WWTR1: variants seen among roughly 807,000 people sequenced by gnomAD.
WWTR1 encodes the protein WW domain-containing transcription regulator protein 1.
In WWTR1, 13 loss-of-function variants were observed where a neutral mutation model predicts 40.1. The observed-to-expected ratio is 0.32, with a 90% CI of 0.21 to 0.52. The LOEUF (loss-of-function observed/expected upper bound fraction) is 0.52. WWTR1 is among the 20% of genes least tolerant of loss of function. The pLI is 0.97. For synonymous variants in WWTR1, 230 were observed against 210.1 expected, an observed-to-expected ratio of 1.09 and a Z score of -0.82; for missense variants, 436 against 523.1, an observed-to-expected ratio of 0.83 and a Z score of 1.63.
chr3:149,682,695 G>T (rs547458715), intron 1 of WWTR1, among the ~76,000 whole-genome samples: 6 of 152,118 alleles, frequency 3.9e-5, no homozygotes, highest in Non-Finnish European at 4.4e-5. Context: ...CACTACCAAG[G>T]TTTCAAAAAG....
chr3:149,568,929 G>T (rs1344180008), intron 3 of WWTR1, among the ~76,000 whole-genome samples: 2 of 152,172 alleles, frequency 1.3e-5, no homozygotes, highest in Non-Finnish European at 2.9e-5. Context: ...ACCACACCCA[G>T]CTAATTTTTT....
At chr3:149,654,634 G>A (rs747491583) in intron 2 of WWTR1, among the ~76,000 whole-genome samples, 1 of 151,356 alleles carries the variant, frequency 6.6e-6, no homozygotes, top group African/African-American at 2.5e-5. Context: ...AGGCAGTTCT[G>A]AGCTACTCCA....
chr3:149,525,847 C>T lies in WWTR1; in HGVS notation c.1018+166G>A, dbSNP rs148259603. ...GTGACGAGAGCAATCGTATCCCAAA[C>T]CCCGGCATCACATAACCATGTAGCA... On this transcript the variant is annotated intron_variant, in intron 6 of 6. Coordinates refer to ENST00000360632, the MANE Select transcript of WWTR1 (RefSeq NM_015472.6). 2.1e-3 allele frequency: 899 copies of T among 420,244 alleles called. 5 individuals are homozygous for T. The highest frequency in any genetic ancestry group is 2.6e-3 in the Non-Finnish European group (632 of 244,294). 26.0% of individuals were successfully genotyped at this position (420,244 alleles called of 1,614,324 possible).
intron 2 of WWTR1, among the ~76,000 whole-genome samples, chr3:149,646,991 A>G (rs1712569987): frequency 6.6e-6 from 1 of 152,180 alleles, no homozygotes. Flanking sequence ...TAAAAAAAAC[A>G]GAGGTTTATG....
In WWTR1 at chr3:149,520,847, C is replaced by CATTTTGT; in HGVS notation, c.1160_1161insACAAAAT (p.Ser388GlnfsTer9). The CATTTTGT allele has an allele frequency of 6.2e-7, 1 of 1,612,728 alleles. No individual in the cohort carries two copies. The highest frequency in any genetic ancestry group is 8.5e-7 in the Non-Finnish European group (1 of 1,179,512). On this transcript the variant is annotated frameshift_variant, in exon 7 of 7. Transcript: ENST00000360632. LOFTEE classifies it high-confidence loss of function. ...AGGGCTCACTTTTGTTCAGAGCAGA[C>CATTTTGT]TCTACATCATTGAAGAGGGGGATCA...
chr3:149,587,500 C>T (rs751168626), intron 2 of WWTR1, among the ~76,000 whole-genome samples: 16 of 152,144 alleles, frequency 1.1e-4, no homozygotes, highest in Non-Finnish European at 1.3e-4. Context: ...GGTCACACCA[C>T]GGTGTAATAC....
At chr3:149,708,102 C>T (rs556521958), upstream of WWTR1, among the ~76,000 whole-genome samples, 25 of 152,266 alleles carry the variant, frequency 1.6e-4, 1 homozygote, top group South Asian at 5.2e-3. Context: ...GACATTTCTA[C>T]TTGGTGCACT....
chr3:149,639,891 G>A (rs1712051745), intron 2 of WWTR1, among the ~76,000 whole-genome samples: 1 of 151,902 alleles, frequency 6.6e-6, no homozygotes, highest in Non-Finnish European at 1.5e-5. Flanking sequence ...CTACTTGGGA[G>A]GCTGAGGCAA....
chr3:149,608,198 A>G (rs1340001691), intron 2 of WWTR1, among the ~76,000 whole-genome samples: 1 of 152,130 alleles, frequency 6.6e-6, no homozygotes, highest in African/African-American at 2.4e-5. Context: ...TATTGTTTTT[A>G]TAACTTCAAG....
At chr3:149,689,307 G>GGAGGTGGA (rs1358931665) in intron 1 of WWTR1, among the ~76,000 whole-genome samples, 2 of 147,962 alleles carry the variant, frequency 1.4e-5, no homozygotes, top group African/African-American at 5.0e-5. Context: ...CTTGAGCCCA[G>GGAGGTGGA]GAGGTGGAGG....
intron 1 of WWTR1, among the ~76,000 whole-genome samples, chr3:149,691,150 A>G (rs1282810651): frequency 6.6e-6 from 1 of 152,006 alleles, no homozygotes; most frequent in African/African-American, 2.4e-5. Flanking sequence ...ACCAAAACCT[A>G]TGGGATACAG....
At chr3:149,678,939 C>A (rs1300145643) in intron 1 of WWTR1, among the ~76,000 whole-genome samples, 1 of 151,056 alleles carries the variant, frequency 6.6e-6, no homozygotes, top group Non-Finnish European at 1.5e-5. Context: ...AAATGATTTT[C>A]CTGCCTCTGC....
intron 2 of WWTR1, among the ~76,000 whole-genome samples, chr3:149,650,965 G>A (rs1250741779): frequency 6.6e-6 from 1 of 152,122 alleles, no homozygotes; most frequent in Non-Finnish European, 1.5e-5. Context: ...ATTTTGGCTG[G>A]GTAAATAGGC....
At chr3:149,698,710 C>G (rs2108220904) in intron 1 of WWTR1, among the ~76,000 whole-genome samples, 1 of 152,372 alleles carries the variant, frequency 6.6e-6, no homozygotes, top group East Asian at 1.9e-4. Flanking sequence ...ATCAAGCCTT[C>G]TTCACACTTG....
At chr3:149,567,032 G>A (rs1382230698) in intron 3 of WWTR1, among the ~76,000 whole-genome samples, 2 of 151,916 alleles carry the variant, frequency 1.3e-5, no homozygotes, top group Non-Finnish European at 1.5e-5. Flanking sequence ...GCTAGGGTTC[G>A]CAGGCTGGTG....
intron 2 of WWTR1, among the ~76,000 whole-genome samples, chr3:149,608,237 TA>T (rs61066466): frequency 1.3e-5 from 2 of 152,166 alleles, no homozygotes; most frequent in African/African-American, 4.8e-5. Flanking sequence ...AAAAAAAATT[TA>T]TTTAGAATAC....
intron 2 of WWTR1, among the ~76,000 whole-genome samples, chr3:149,642,742 T>C (rs1712255582): frequency 6.8e-6 from 1 of 146,588 alleles, no homozygotes; most frequent in Non-Finnish European, 1.5e-5. Context: ...GCCACTGCAC[T>C]CCAGCCTGGG....
intron 4 of WWTR1, among the ~76,000 whole-genome samples, chr3:149,531,686 C>G (rs1363587179): frequency 6.6e-6 from 1 of 152,122 alleles, no homozygotes; most frequent in Non-Finnish European, 1.5e-5. Context: ...TACCTCACCC[C>G]TGTCTAAAAT....
intron 3 of WWTR1, among the ~76,000 whole-genome samples, chr3:149,558,261 C>G (rs1398669340): frequency 6.6e-6 from 1 of 151,844 alleles, no homozygotes; most frequent in East Asian, 1.9e-4. Flanking sequence ...CTCTAATAAA[C>G]ATAGCCTACC....
Sources: allele counts gnomAD v4.1 joint callset (sites outside exome capture counted in the v4.1 genomes callset), GRCh38; gene constraint gnomAD v4.1.1; transcripts MANE v1.5; gene names NCBI Gene and HGNC (gene_info 2026-07-23, HGNC 2026-07-21).